CFAP47: variants seen among roughly 807,000 people sequenced by gnomAD.
CFAP47 encodes the protein cilia and flagella associated protein 47.
A neutral mutation model predicts 148.1 loss-of-function variants in CFAP47; 29 were observed. That is an observed-to-expected ratio of 0.20 (90% CI 0.15 to 0.27). The LOEUF (loss-of-function observed/expected upper bound fraction) is 0.27. Among genes scored for constraint, CFAP47 ranks in the 10% least tolerant of loss-of-function variants. CFAP47 has a pLI of 1.00. For missense variants in CFAP47, 1,872 were observed against 1,697.5 expected (o/e 1.10, Z -1.81); for synonymous variants, 664 against 577.3 (o/e 1.15, Z -2.15).
At chrX:36,004,066 C>T (rs958019803) in intron 21 of CFAP47, among the ~76,000 whole-genome samples, 9 of 105,435 alleles carry the variant, frequency 8.5e-5, no homozygotes, top group African/African-American at 1.4e-4. Flanking sequence ...TCCACCTCCC[C>T]GATTCAAGTG....
At chrX:35,964,052 G>A (rs1172604116) in intron 8 of CFAP47, among the ~76,000 whole-genome samples, 1 of 111,555 alleles carries the variant, frequency 9.0e-6, no homozygotes, top group Non-Finnish European at 1.9e-5. Flanking sequence ...AGTTACATTT[G>A]CCTGTGCTCT....
At chrX:36,378,821 G>T (rs782495188) in intron 62 of CFAP47, among the ~76,000 whole-genome samples, 2 of 109,003 alleles carry the variant, frequency 1.8e-5, no homozygotes, top group African/African-American at 6.7e-5. Flanking sequence ...AATTACAGAC[G>T]TGAGCCACTG....
At chrX:35,969,671 T>C (rs936245373) in intron 10 of CFAP47, among the ~76,000 whole-genome samples, 1 of 111,503 alleles carries the variant, frequency 9.0e-6, no homozygotes, top group Non-Finnish European at 1.9e-5. Flanking sequence ...TTCAAATATA[T>C]GTAGGAATTA....
At chrX:36,175,881 G>A (rs1271057597) in intron 39 of CFAP47, among the ~76,000 whole-genome samples, 17 of 94,627 alleles carry the variant, frequency 1.8e-4, no homozygotes, top group Admixed American at 2.3e-4. Context: ...GGGCAATGGC[G>A]GGCGCCCCTC....
Position 36,138,413 on chromosome X carries a change from C to T in CFAP47, c.5484C>T (p.Cys1828=), listed in dbSNP as rs1939082976. 1 of 1,168,255 alleles carries T rather than the reference C, an allele frequency of 8.6e-7. No individual in the cohort carries two copies. Among genetic ancestry groups the T allele is most frequent in the Non-Finnish European group, 1.1e-6 (1 of 878,135 alleles). ...GTCCTGAAGAGTATCTGCACAATTG[C>T]CTGATTATTGTAAATACTCTTTATG... ...PKSPEEYLHN[C]LIIVNTLYEI... is the part of the protein sequence containing the mutation. Residue 1828 remains cysteine, a synonymous_variant, in exon 35 of 64, where the codon TGC becomes TGT. Transcript: ENST00000378653.
At chrX:35,944,796 CA>C (rs2146636060) in intron 3 of CFAP47, among the ~76,000 whole-genome samples, 1 of 111,652 alleles carries the variant, frequency 9.0e-6, no homozygotes, top group South Asian at 3.7e-4. Context: ...AATCCAGATT[CA>C]AAAATCACAC....
intron 22 of CFAP47, among the ~76,000 whole-genome samples, chrX:36,020,736 T>G (rs986650116): frequency 1.8e-5 from 2 of 112,121 alleles, no homozygotes; most frequent in Non-Finnish European, 3.8e-5. Context: ...TTTATATTAA[T>G]AGATGAATTG....
At chrX:36,363,241 A>G (rs1569326553) in intron 61 of CFAP47, among the ~76,000 whole-genome samples, 1 of 111,648 alleles carries the variant, frequency 9.0e-6, no homozygotes, top group Non-Finnish European at 1.9e-5. Context: ...AACAACAAAG[A>G]TATGTTCTGA....
intron 59 of CFAP47, among the ~76,000 whole-genome samples, chrX:36,351,123 C>G (rs949887243): frequency 9.0e-6 from 1 of 111,243 alleles, no homozygotes; most frequent in Non-Finnish European, 1.9e-5. Flanking sequence ...AAAGCATTTC[C>G]CCAGATACAC....
Position 35,920,056 on chromosome X carries a change from AC to A in CFAP47, c.249+9del. 4.3e-6 allele frequency: 5 copies of A among 1,173,368 alleles called. No homozygotes were observed. The East Asian group carries it at 1.5e-4, about 35-fold the overall frequency. On this transcript the variant is annotated intron_variant, in intron 1 of 63. Coordinates refer to ENST00000378653, the MANE Select transcript of CFAP47 (RefSeq NM_001304548.2). ...GAGCCCGTCAAGCCACAGGTGACACACTAAGGGGTGCTGGGAGCGGGACCTT... is the reference window on the plus strand; with the variant it reads ...GAGCCCGTCAAGCCACAGGTGACACATAAGGGGTGCTGGGAGCGGGACCTT...
intron 1 of CFAP47, among the ~76,000 whole-genome samples, chrX:35,924,389 G>A (rs1371641975): frequency 3.0e-5 from 3 of 100,472 alleles, no homozygotes; most frequent in Admixed American, 1.0e-4. Context: ...GCACACATAT[G>A]TGTATATATG....
chrX:36,082,018 C>A (rs925987779), intron 29 of CFAP47, among the ~76,000 whole-genome samples: 6 of 111,511 alleles, frequency 5.4e-5, no homozygotes, highest in Non-Finnish European at 9.4e-5. Context: ...AAAAGGCATC[C>A]AAATAAAAGA....
intron 33 of CFAP47, among the ~76,000 whole-genome samples, chrX:36,131,473 CTT>C (rs780798302): frequency 2.2e-4 from 24 of 111,077 alleles, no homozygotes; most frequent in African/African-American, 6.8e-4. Context: ...AAAAAAGTCT[CTT>C]GAGAAATAGA....
rs746581258 is a variant in CFAP47, at chrX:36,000,853, G to C, written c.3322+426G>C. On this transcript the variant is annotated intron_variant, in intron 20 of 63. Transcript: ENST00000378653. ...TTAAACAAAATACGCATTTTTGTAA[G>C]TTTACTCCATAGGTTGTCAAAATAA... is the stretch of plus-strand genomic sequence containing the variant. Among the ~76,000 whole-genome samples, 14 of 111,478 alleles carry C rather than the reference G, an allele frequency of 1.3e-4. No individual in the cohort carries two copies. In the South Asian group the frequency reaches 4.9e-3, roughly 39 times the overall value.
At chrX:36,319,483 T>C (rs1556011670) in intron 57 of CFAP47, among the ~76,000 whole-genome samples, 176 bp downstream of exon 57, 1 of 110,177 alleles carries the variant, frequency 9.1e-6, no homozygotes, top group Non-Finnish European at 1.9e-5. Flanking sequence ...AACATATATA[T>C]ATATATATAT....
chrX:36,058,713 T>G (rs180706597), intron 26 of CFAP47, among the ~76,000 whole-genome samples: 1 of 111,823 alleles, frequency 8.9e-6, no homozygotes, highest in Admixed American at 9.5e-5. Flanking sequence ...TAGTTCCTAA[T>G]TGATTTATTT....
At chrX:36,314,886 CTG>C (rs782354634) in intron 56 of CFAP47, among the ~76,000 whole-genome samples, 14 of 111,439 alleles carry the variant, frequency 1.3e-4, no homozygotes, top group Non-Finnish European at 2.3e-4. Context: ...TGAACGCTAA[CTG>C]TAGAATTATT....
chrX:35,948,609 A>C (rs2146639826), intron 4 of CFAP47, among the ~76,000 whole-genome samples, 157 bp downstream of exon 4: 1 of 112,007 alleles, frequency 8.9e-6, no homozygotes, highest in Admixed American at 9.6e-5. Context: ...TAGGTTTTTA[A>C]GAAATGGGAA....
intron 56 of CFAP47, among the ~76,000 whole-genome samples, chrX:36,312,289 G>A (rs1303412790): frequency 9.0e-6 from 1 of 110,737 alleles, no homozygotes; most frequent in Non-Finnish European, 1.9e-5. Flanking sequence ...TTTGGAATTA[G>A]GAGCAGTCAT....
Sources: gnomAD v4.1 joint callset for allele counts (sites outside exome capture counted in the v4.1 genomes callset) on GRCh38, gnomAD v4.1.1 for gene constraint, MANE v1.5 for transcripts, NCBI Gene and HGNC (gene_info 2026-07-23, HGNC 2026-07-21) for gene names.